Variants in LHFPL2 observed in about 807,000 individuals in gnomAD.
LHFPL2 encodes the protein LHFPL tetraspan subfamily member 2 protein.
LHFPL2 carries 7 observed loss-of-function variants against 17.5 expected under a neutral mutation model. That is an observed-to-expected ratio of 0.40 (90% CI 0.23 to 0.75). LHFPL2 has a LOEUF of 0.75. Among genes scored for constraint, LHFPL2 ranks in the 30% least tolerant of loss-of-function variants. The probability of loss-of-function intolerance (pLI) is 0.37; values close to 1 mark genes in which losing one functional copy is unlikely to be tolerated. For synonymous variants in LHFPL2, 134 were observed against 116.2 expected (o/e 1.15, Z -0.99); for missense variants, 241 against 294.8 (o/e 0.82, Z 1.34).
chr5:78,544,751 TTACACACACACACACACACGTA>T (rs558235117), intron 3 of LHFPL2, among the ~76,000 whole-genome samples: 1 of 109,498 alleles, frequency 9.1e-6, no homozygotes, highest in Non-Finnish European at 2.1e-5. Flanking sequence ...GGCCATCTTC[TTACACACACACACACACACGTA>T]TACACACACA....
intron 3 of LHFPL2, among the ~76,000 whole-genome samples, chr5:78,550,335 T>A (rs758017063): frequency 4.3e-4 from 65 of 152,068 alleles, no homozygotes; most frequent in Non-Finnish European, 8.1e-4. Context: ...CAATAGTGGG[T>A]GAAGATTCAT....
chr5:78,555,014 T>C (rs954721047), intron 3 of LHFPL2, among the ~76,000 whole-genome samples: 1 of 152,236 alleles, frequency 6.6e-6, no homozygotes, highest in Non-Finnish European at 1.5e-5. Flanking sequence ...TAAAGAATCT[T>C]ATGAAAATAT....
At chr5:78,579,634 T>C (rs1419848599) in intron 2 of LHFPL2, among the ~76,000 whole-genome samples, 2 of 152,114 alleles carry the variant, frequency 1.3e-5, no homozygotes, top group Non-Finnish European at 2.9e-5. Flanking sequence ...AGAATGATGA[T>C]TTCCAATTTC....
At chr5:78,607,309 C>T (rs1400812826) in intron 2 of LHFPL2, among the ~76,000 whole-genome samples, 1 of 151,884 alleles carries the variant, frequency 6.6e-6, no homozygotes, top group Non-Finnish European at 1.5e-5. Context: ...GACGGGGTTT[C>T]ACCATGTTGG....
chr5:78,519,684 A>C (rs897716928), intron 3 of LHFPL2, among the ~76,000 whole-genome samples: 4 of 152,250 alleles, frequency 2.6e-5, no homozygotes, highest in African/African-American at 9.6e-5. Context: ...AGTAAGTATC[A>C]AGCTTAGAAC....
chr5:78,509,011 G>A (rs1478652759), intron 4 of LHFPL2, among the ~76,000 whole-genome samples: 3 of 152,158 alleles, frequency 2.0e-5, no homozygotes, highest in African/African-American at 4.8e-5. Context: ...AAACCCATGC[G>A]GGGAAGCCTA....
intron 2 of LHFPL2, among the ~76,000 whole-genome samples, chr5:78,613,577 A>C (rs1580858372): frequency 1.3e-5 from 1 of 74,646 alleles, no homozygotes; most frequent in Non-Finnish European, 4.6e-5. Context: ...GTCTGGAATA[A>C]AATAGATGCT....
intron 2 of LHFPL2, among the ~76,000 whole-genome samples, chr5:78,616,987 CT>C (rs989183766): frequency 6.6e-6 from 1 of 152,110 alleles, no homozygotes; most frequent in Non-Finnish European, 1.5e-5. Context: ...TCACAAGTCC[CT>C]TTTAATGACA....
intron 3 of LHFPL2, among the ~76,000 whole-genome samples, chr5:78,543,086 C>T (rs1302756511): frequency 6.6e-6 from 1 of 152,178 alleles, no homozygotes; most frequent in African/African-American, 2.4e-5. Flanking sequence ...GCAGGCCAGG[C>T]AGAGAACCTA....
chr5:78,622,552 G>T (rs1384070717), intron 2 of LHFPL2, among the ~76,000 whole-genome samples: 1 of 152,082 alleles, frequency 6.6e-6, no homozygotes, highest in African/African-American at 2.4e-5. Flanking sequence ...TTAAGGCTGG[G>T]GCTTCCCACC....
intron 4 of LHFPL2, among the ~76,000 whole-genome samples, chr5:78,498,603 A>AT (rs1218006964): frequency 6.6e-6 from 1 of 152,150 alleles, no homozygotes; most frequent in Non-Finnish European, 1.5e-5. Context: ...GACCACATCC[A>AT]GTTCCCTCGC....
rs931862911 is a variant in LHFPL2, at chr5:78,573,662, TC to T, written c.-244-8792del. Among the ~76,000 whole-genome samples the T allele has an allele frequency of 2.6e-5, 4 of 152,090 alleles. No homozygotes were observed. The South Asian group carries it at 6.2e-4, about 24-fold the overall frequency. On this transcript the variant is annotated intron_variant, in intron 2 of 4. Coordinates refer to ENST00000380345, the MANE Select transcript of LHFPL2 (RefSeq NM_005779.3). ...AGCCTGTCTCTGCTTTCATCTTTTTTCCCCCCATGTTAGAATTTGACTTAAA... is the reference window on the plus strand; with the variant it reads ...AGCCTGTCTCTGCTTTCATCTTTTTTCCCCCATGTTAGAATTTGACTTAAA...
chr5:78,497,535 A>G (rs1172560253), intron 4 of LHFPL2, among the ~76,000 whole-genome samples: 1 of 152,240 alleles, frequency 6.6e-6, no homozygotes, highest in African/African-American at 2.4e-5. Flanking sequence ...TTGTGTCCCA[A>G]CTGCCTAGAA....
chr5:78,644,476 C>A, intron 1 of LHFPL2: 1 of 619,822 alleles, frequency 1.6e-6, no homozygotes, highest in Non-Finnish European at 2.9e-6. Flanking sequence ...AATTTCTTTA[C>A]AACTCACCAA....
At chr5:78,518,883 G>C (rs1383030249) in intron 3 of LHFPL2, among the ~76,000 whole-genome samples, 1 of 152,212 alleles carries the variant, frequency 6.6e-6, no homozygotes, top group Non-Finnish European at 1.5e-5. Flanking sequence ...ATAAAGTTCA[G>C]CTGGATGTCC....
intron 4 of LHFPL2, among the ~76,000 whole-genome samples, chr5:78,501,310 A>T (rs1378471064): frequency 6.6e-6 from 1 of 152,232 alleles, no homozygotes; most frequent in Non-Finnish European, 1.5e-5. Context: ...CATCGGCTTG[A>T]TGAAATGTTA....
At chr5:78,491,686 T>C (rs1051101763) in intron 4 of LHFPL2, among the ~76,000 whole-genome samples, 3 of 152,174 alleles carry the variant, frequency 2.0e-5, no homozygotes, top group Non-Finnish European at 4.4e-5. Flanking sequence ...GTGACCGACA[T>C]ACGATTCCTC....
intron 3 of LHFPL2, among the ~76,000 whole-genome samples, chr5:78,522,100 T>A (rs952676988): frequency 6.6e-6 from 1 of 152,130 alleles, no homozygotes. Flanking sequence ...AACTCATGCT[T>A]CTTGAAAATA....
chr5:78,499,495 T>G (rs906604787), intron 4 of LHFPL2, among the ~76,000 whole-genome samples: 1 of 152,220 alleles, frequency 6.6e-6, no homozygotes, highest in Non-Finnish European at 1.5e-5. Context: ...TTAGAGAATC[T>G]GGCTCCAGAG....
Sources: allele counts gnomAD v4.1 joint callset (sites outside exome capture counted in the v4.1 genomes callset), GRCh38; gene constraint gnomAD v4.1.1; transcripts MANE v1.5; gene names NCBI Gene and HGNC (gene_info 2026-07-23, HGNC 2026-07-21).